Variants in TRIM44 observed in about 807,000 individuals in gnomAD.
TRIM44 encodes the protein tripartite motif containing 44, also known as tripartite motif-containing protein 44.
TRIM44 carries 13 observed loss-of-function variants against 37.4 expected under a neutral mutation model. The observed-to-expected ratio is 0.35, with a 90% CI of 0.23 to 0.55. TRIM44 has a LOEUF of 0.55. Among genes scored for constraint, TRIM44 ranks in the 20% least tolerant of loss-of-function variants. The pLI is 0.89. For synonymous variants in TRIM44, 175 were observed against 157.2 expected, an observed-to-expected ratio of 1.11 and a Z score of -0.85; for missense variants, 426 against 437.2, an observed-to-expected ratio of 0.97 and a Z score of 0.23.
chr11:35,666,527 G>A (rs1238072357), intron 1 of TRIM44, among the ~76,000 whole-genome samples: 1 of 152,118 alleles, frequency 6.6e-6, no homozygotes, highest in East Asian at 1.9e-4. Flanking sequence ...TCGCAGTTAA[G>A]TTTTATATTT....
intron 1 of TRIM44, among the ~76,000 whole-genome samples, chr11:35,680,341 A>G (rs1851508478): frequency 6.6e-6 from 1 of 152,170 alleles, no homozygotes; most frequent in Admixed American, 6.5e-5. Flanking sequence ...CCTAAGTACC[A>G]GTCCCAGCAA....
chr11:35,688,078 T>G (rs1851601257), intron 2 of TRIM44, among the ~76,000 whole-genome samples: 1 of 152,204 alleles, frequency 6.6e-6, no homozygotes, highest in Non-Finnish European at 1.5e-5. Flanking sequence ...AAGACAACCC[T>G]TAAGTTTTTG....
At chr11:35,707,131 A>G (rs557358195) in intron 2 of TRIM44, among the ~76,000 whole-genome samples, 1,943 of 152,262 alleles carry the variant, frequency 0.013, 44 homozygotes, top group African/African-American at 0.044. Context: ...AGACAAACAG[A>G]GAGCCAAATC....
In TRIM44 at chr11:35,688,312, T is replaced by C. The variant is rs184594956; in HGVS notation, c.747+2976T>C. Among the ~76,000 whole-genome samples, 203 of 152,336 alleles carry C rather than the reference T, an allele frequency of 1.3e-3. No individual in the cohort carries two copies. The Middle Eastern group carries it at 0.017, about 13-fold the overall frequency. ...TGATTAGTCCAGACACTGAAGCCTA[T>C]TGGGGAATGAGTTAATTTTTACCTC... On this transcript the variant is annotated intron_variant, in intron 2 of 4. Coordinates refer to ENST00000299413, the MANE Select transcript of TRIM44 (RefSeq NM_017583.6).
chr11:35,702,316 G>A (rs1564961870), intron 2 of TRIM44, among the ~76,000 whole-genome samples: 2 of 152,188 alleles, frequency 1.3e-5, no homozygotes, highest in Non-Finnish European at 2.9e-5. Context: ...GCGAGGGTGT[G>A]GGCGGCCCGT....
At chr11:35,665,157 G>C (rs1444089806) in intron 1 of TRIM44, among the ~76,000 whole-genome samples, 1 of 151,780 alleles carries the variant, frequency 6.6e-6, no homozygotes, top group Admixed American at 6.6e-5. Flanking sequence ...CCAGGTTTGG[G>C]AGCGTCGGGC....
intron 2 of TRIM44, among the ~76,000 whole-genome samples, chr11:35,723,507 A>G (rs900334244): frequency 4.6e-5 from 7 of 152,250 alleles, no homozygotes; most frequent in African/African-American, 2.4e-5. Flanking sequence ...GGAAAAAGGC[A>G]TAAAGGTTTT....
intron 4 of TRIM44, among the ~76,000 whole-genome samples, chr11:35,800,922 A>G (rs1210558044): frequency 6.6e-6 from 1 of 152,242 alleles, no homozygotes; most frequent in Admixed American, 6.5e-5. Context: ...CAGAACCAGG[A>G]CTAGAACTCT....
chr11:35,770,072 A>G (rs1209214043), intron 4 of TRIM44, among the ~76,000 whole-genome samples: 1 of 152,144 alleles, frequency 6.6e-6, no homozygotes, highest in African/African-American at 2.4e-5. Flanking sequence ...TTCCCCGTCT[A>G]GTAGTCCCTA....
intron 4 of TRIM44, among the ~76,000 whole-genome samples, chr11:35,798,187 A>G (rs1244350786): frequency 6.6e-6 from 1 of 152,210 alleles, no homozygotes; most frequent in Non-Finnish European, 1.5e-5. Context: ...TGAGTTTCTG[A>G]TTAGCTTTCC....
chr11:35,700,588 G>T (rs1851774679), intron 2 of TRIM44, among the ~76,000 whole-genome samples: 1 of 152,090 alleles, frequency 6.6e-6, no homozygotes, highest in South Asian at 2.1e-4. Context: ...CAACAACACA[G>T]ACCATCTATG....
chr11:35,696,193 G>C (rs910778445), intron 2 of TRIM44, among the ~76,000 whole-genome samples: 1 of 150,110 alleles, frequency 6.7e-6, no homozygotes, highest in Non-Finnish European at 1.5e-5. Flanking sequence ...GCCCAGTCTG[G>C]AGTGCAGTGG....
chr11:35,770,004 C>T (rs1852845267), intron 4 of TRIM44, among the ~76,000 whole-genome samples: 1 of 152,022 alleles, frequency 6.6e-6, no homozygotes, highest in Non-Finnish European at 1.5e-5. Flanking sequence ...ACAATTGATC[C>T]TATCACCCAG....
intron 2 of TRIM44, among the ~76,000 whole-genome samples, chr11:35,709,386 TCCTA>T (rs1482208095): frequency 3.9e-5 from 6 of 152,170 alleles, no homozygotes; most frequent in Admixed American, 6.6e-5. Flanking sequence ...CAATGATTTT[TCCTA>T]CCTAAGTGGG....
Position 35,663,465 on chromosome 11 carries a change from G to A in TRIM44, c.354G>A (p.Glu118=). The change falls in exon 1 of 5, where the codon GAG becomes GAA. Residue 118 remains glutamate (E), a synonymous_variant. Coordinates refer to ENST00000299413, the MANE Select transcript of TRIM44 (RefSeq NM_017583.6). Reference sequence around the variant, plus strand: ...AGAGCGAGACAGAGGAAGAGAGTGAGGATGAGAGCGATGAGGAGAGTGAAG... The same window carrying A: ...AGAGCGAGACAGAGGAAGAGAGTGAAGATGAGAGCGATGAGGAGAGTGAAG... ...EEESETEEES[E]DESDEESEED... is the part of the protein sequence containing the mutation. 1 of 1,565,582 alleles carries A rather than the reference G, an allele frequency of 6.4e-7. No homozygotes were observed.
At chr11:35,769,172 A>G (rs768373114) in intron 4 of TRIM44, among the ~76,000 whole-genome samples, 1 of 152,176 alleles carries the variant, frequency 6.6e-6, no homozygotes, top group African/African-American at 2.4e-5. Flanking sequence ...CTCAGTAAGC[A>G]TGTGAGTCTG....
chr11:35,726,133 C>T lies in TRIM44; in HGVS notation c.957C>T (p.Thr319=). ...QMAQAKEQLD[T]SNESAEPKAE... is the part of the protein sequence containing the mutation. The stretch of plus-strand genomic sequence containing the variant: ...CCCAAGCCAAGGAACAACTTGATAC[C>T]TCTAATGAATCAGCTGAGCCAAAGG... The change falls in exon 3 of 5, where the codon ACC becomes ACT. Residue 319 remains threonine, a synonymous_variant. Coordinates refer to ENST00000299413, the MANE Select transcript of TRIM44 (RefSeq NM_017583.6). 6.2e-7 allele frequency: 1 copy of T among 1,614,100 alleles called. No homozygotes were observed. The highest frequency in any genetic ancestry group is 8.5e-7 in the Non-Finnish European group (1 of 1,179,998).
intron 3 of TRIM44, among the ~76,000 whole-genome samples, chr11:35,728,326 CA>C (rs1002019219): frequency 6.7e-5 from 10 of 148,380 alleles, no homozygotes; most frequent in South Asian, 2.1e-4. Flanking sequence ...AACTCCATCT[CA>C]AAAAAAAAAG....
chr11:35,698,028 C>T (rs577763025), intron 2 of TRIM44, among the ~76,000 whole-genome samples: 1 of 151,474 alleles, frequency 6.6e-6, no homozygotes, highest in South Asian at 2.1e-4. Flanking sequence ...GGAATCACCA[C>T]ACTGACTTCC....
Sources: allele counts gnomAD v4.1 joint callset (sites outside exome capture counted in the v4.1 genomes callset), GRCh38; gene constraint gnomAD v4.1.1; transcripts MANE v1.5; gene names NCBI Gene and HGNC (gene_info 2026-07-23, HGNC 2026-07-21).